EIF2B3: variants seen among roughly 807,000 people sequenced by gnomAD.
The protein encoded by EIF2B3 is eukaryotic translation initiation factor 2B subunit gamma.
In EIF2B3, 20 loss-of-function variants were observed where a neutral mutation model predicts 54.1. The observed-to-expected ratio is 0.37, with a 90% CI of 0.26 to 0.54. EIF2B3 has a LOEUF of 0.54. Ranked by LOEUF, EIF2B3 falls within the 20% of genes least tolerant of loss-of-function variation. The pLI, the probability that EIF2B3 is intolerant of heterozygous loss-of-function variation, is 0.86. For missense variants in EIF2B3, 448 were observed against 547.8 expected (o/e 0.82, Z 1.82); for synonymous variants, 153 against 188.1 (o/e 0.81, Z 1.52).
At chr1:44,932,312 G>A (rs190187930) in intron 4 of EIF2B3, 7 of 152,514 alleles carry the variant, frequency 4.6e-5, no homozygotes, top group Admixed American at 4.6e-4. Context: ...ACTACTGGGT[G>A]GGGGTGGGAA....
rs1176351279 is a variant in EIF2B3 at position 44,881,296 on chromosome 1, A to T, written c.784+316T>A. On this transcript the variant is annotated intron_variant, in intron 7 of 11. Coordinates refer to ENST00000360403, the MANE Select transcript of EIF2B3 (RefSeq NM_020365.5). The surrounding 1 kb of genome is among the most constrained non-coding windows in gnomAD (Gnocchi z 4.0). ...AGGAACGGGGCTGCCTAGAGCCTAG[A>T]GAACAGGGGAACTAAGAAGTGGCAG... 6.6e-6 allele frequency among the ~76,000 whole-genome samples: 1 copy of T among 152,208 alleles called. No individual in the cohort carries two copies. Among genetic ancestry groups the T allele is most frequent in the Non-Finnish European group, 1.5e-5 (1 of 68,038 alleles).
chr1:44,951,954 A>AATTTTTTTTTTTTTTTTTTTT (rs1644166853), intron 3 of EIF2B3, among the ~76,000 whole-genome samples: 1 of 44,672 alleles, frequency 2.2e-5, no homozygotes, highest in Non-Finnish European at 3.6e-5. Flanking sequence ...TGCCTGGCTA[A>AATTTTTTTTTTTTTTTTTTTT]TTTTTTTTTT....
chr1:44,923,487 G>A (rs796931966), intron 5 of EIF2B3, among the ~76,000 whole-genome samples: 39 of 152,226 alleles, frequency 2.6e-4, no homozygotes, highest in African/African-American at 9.1e-4. Context: ...TCCTCTCCGG[G>A]AGCTTGTAAG....
chr1:44,938,666 T>A (rs1569784475), intron 4 of EIF2B3, among the ~76,000 whole-genome samples: 1 of 152,114 alleles, frequency 6.6e-6, no homozygotes, highest in East Asian at 1.9e-4. Context: ...AAAAAATTGT[T>A]TGTAGAGATG....
At chr1:44,907,150 C>T (rs1643426994) in intron 5 of EIF2B3, among the ~76,000 whole-genome samples, 1 of 152,240 alleles carries the variant, frequency 6.6e-6, no homozygotes, top group South Asian at 2.1e-4. Context: ...TACTACAATA[C>T]CTTCCCTTAC....
chr1:44,885,778 C>T (rs577986060), intron 6 of EIF2B3, among the ~76,000 whole-genome samples: 201 of 151,686 alleles, frequency 1.3e-3, no homozygotes, highest in Non-Finnish European at 2.2e-3. Context: ...GACGCAGTCT[C>T]GCTTGGAGTG....
At chr1:44,960,062 T>C (rs1644267818) in intron 3 of EIF2B3, among the ~76,000 whole-genome samples, 1 of 152,224 alleles carries the variant, frequency 6.6e-6, no homozygotes, top group African/African-American at 2.4e-5. Flanking sequence ...TTGTATATAT[T>C]TATGTATTTA....
At chr1:44,897,304 A>C (rs1569651243) in intron 6 of EIF2B3, 51 bp downstream of exon 6, 1 of 1,373,446 alleles carries the variant, frequency 7.3e-7, no homozygotes, top group South Asian at 1.2e-5. Flanking sequence ...AGGAATTCAC[A>C]AAGTAGCTTG....
chr1:44,982,894 C>T (rs1319592566), intron 1 of EIF2B3, among the ~76,000 whole-genome samples: 1 of 152,178 alleles, frequency 6.6e-6, no homozygotes, highest in Admixed American at 6.5e-5. Context: ...TCCCAAAGAG[C>T]TGGGATTATA....
chr1:44,888,356 A>C (rs1004984530), intron 6 of EIF2B3, among the ~76,000 whole-genome samples: 12 of 151,688 alleles, frequency 7.9e-5, no homozygotes, highest in African/African-American at 2.9e-4. Flanking sequence ...GCTTGGCCCC[A>C]GGAGCGATGG....
intron 3 of EIF2B3, among the ~76,000 whole-genome samples, chr1:44,951,954 A>ATTTTTT (rs1171020644): frequency 0.018 from 800 of 44,646 alleles, 168 homozygotes; most frequent in East Asian, 0.037. Context: ...TGCCTGGCTA[A>ATTTTTT]TTTTTTTTTT....
intron 10 of EIF2B3, among the ~76,000 whole-genome samples, chr1:44,866,786 C>A (rs903525334): frequency 1.3e-5 from 2 of 152,180 alleles, no homozygotes; most frequent in African/African-American, 4.8e-5. Flanking sequence ...AACTCCTGAC[C>A]TCAGGTGATT....
intron 11 of EIF2B3, among the ~76,000 whole-genome samples, chr1:44,851,663 G>A (rs1439821283): frequency 6.6e-6 from 1 of 152,130 alleles, no homozygotes; most frequent in Non-Finnish European, 1.5e-5. Context: ...ACTGTGGTGT[G>A]GCCAGAGAAT....
chr1:44,877,192 T>TAAAAAAAAAAAAA lies in EIF2B3; in HGVS notation c.976-1510_976-1498dup, dbSNP rs768263508. ...GCGAGAAACACCCAAGAATGATCAA[T>TAAAAAAAAAAAAA]AAAAAAAAAAAAAAAAAAAAAAAAA... On this transcript the variant is annotated intron_variant, in intron 8 of 11. Coordinates refer to ENST00000360403, the MANE Select transcript of EIF2B3 (RefSeq NM_020365.5). Among the ~76,000 whole-genome samples the TAAAAAAAAAAAAA allele has an allele frequency of 1.1e-3, 58 of 52,066 alleles. 10 individuals carry two copies. The highest frequency in any genetic ancestry group is 3.8e-3 in the African/African-American group (43 of 11,204). The allele number at this position is 52,066 out of a possible 152,430, so 34.2% of individuals were successfully genotyped here.
chr1:44,861,281 T>C (rs776108013), intron 10 of EIF2B3, among the ~76,000 whole-genome samples: 3 of 152,172 alleles, frequency 2.0e-5, no homozygotes, highest in Non-Finnish European at 2.9e-5. Flanking sequence ...TAGGGAAGTA[T>C]AGAAAGCTTT....
At chr1:44,870,534 A>C (rs1375412814) in intron 10 of EIF2B3, among the ~76,000 whole-genome samples, 2 of 151,976 alleles carry the variant, frequency 1.3e-5, no homozygotes, top group Non-Finnish European at 2.9e-5. Context: ...TATGTCTAAA[A>C]TTGCTTGCTG....
chr1:44,971,345 G>A (rs183226847), intron 3 of EIF2B3, among the ~76,000 whole-genome samples: 20 of 149,958 alleles, frequency 1.3e-4, no homozygotes, highest in African/African-American at 4.7e-4. Context: ...ACTCCAGCCT[G>A]GGCTACAGAG....
rs149334908 is a variant in EIF2B3 at position 44,908,123 on chromosome 1, A to G, written c.567-10679T>C. Among the ~76,000 whole-genome samples, 13 of 152,268 alleles carry G rather than the reference A, an allele frequency of 8.5e-5. No individual in the cohort carries two copies. In the East Asian group the frequency reaches 2.5e-3, roughly 29 times the overall value. ...ATTAAGAAGTCTCAGCTCTGCCTATAAAGACTCTGTTGCCAAAGCACATTC... is the reference window on the plus strand; with the variant it reads ...ATTAAGAAGTCTCAGCTCTGCCTATGAAGACTCTGTTGCCAAAGCACATTC... On this transcript the variant is annotated intron_variant, in intron 5 of 11. Coordinates refer to ENST00000360403, the MANE Select transcript of EIF2B3 (RefSeq NM_020365.5).
chr1:44,850,907 G>A lies in EIF2B3; in HGVS notation c.*44C>T, dbSNP rs372873992. On this transcript the variant is annotated 3_prime_UTR_variant, in exon 12 of 12. Transcript: ENST00000360403. ...TAAACAGGTGGGCCGGCCAACATCT[G>A]TGGCTTTGGAGGCCAAAAGGAAGGA... The A allele has an allele frequency of 6.8e-6, 11 of 1,608,430 alleles. No homozygotes were observed. In the African/African-American group the frequency reaches 1.5e-4, roughly 22 times the overall value.
Sources: gnomAD v4.1 joint callset for allele counts (sites outside exome capture counted in the v4.1 genomes callset) on GRCh38, gnomAD v4.1.1 for gene constraint, Gnocchi (gnomAD v3.1) non-coding constraint, MANE v1.5 for transcripts, NCBI Gene and HGNC (gene_info 2026-07-23, HGNC 2026-07-21) for gene names.